Variants in SPRED2 observed in about 807,000 individuals in gnomAD.
SPRED2 encodes sprouty related EVH1 domain containing 2, also known as sprouty-related, EVH1 domain-containing protein 2.
A neutral mutation model predicts 43.0 loss-of-function variants in SPRED2; 47 were observed. The observed-to-expected ratio is 1.09, with a 90% CI of 0.87 to 1.40. The LOEUF (loss-of-function observed/expected upper bound fraction) is 1.40, where lower values mean the gene tolerates loss of function less well. Among genes scored for constraint, SPRED2 ranks in the 40% most tolerant of loss-of-function variants. SPRED2 has a pLI of 0.00. For missense variants in SPRED2, 561 were observed against 586.4 expected, an observed-to-expected ratio of 0.96 and a Z score of 0.45; for synonymous variants, 225 against 225.7, an observed-to-expected ratio of 1.00 and a Z score of 0.03.
Position 65,312,530 on chromosome 2 carries a change from T to C in SPRED2, c.*971A>G, listed in dbSNP as rs1215542357. 1.0e-6 allele frequency: 1 copy of C among 985,366 alleles called. No individual in the cohort carries two copies. The highest frequency in any genetic ancestry group is 6.1e-5 in the Admixed American group (1 of 16,268). 61.0% of individuals were successfully genotyped at this position (985,366 alleles called of 1,614,324 possible). On this transcript the variant is annotated 3_prime_UTR_variant, in exon 6 of 6. Transcript: ENST00000356388. ...AACTGGAACTTGTTCGTGGGAACACTGATTTGTGTTTGAGGAAACTATTTG... is the reference window on the plus strand; with the variant it reads ...AACTGGAACTTGTTCGTGGGAACACCGATTTGTGTTTGAGGAAACTATTTG...
At chr2:65,395,191 G>T (rs1329208649) in intron 1 of SPRED2, among the ~76,000 whole-genome samples, 1 of 151,994 alleles carries the variant, frequency 6.6e-6, no homozygotes, top group Non-Finnish European at 1.5e-5. Context: ...CTCGCTCCGT[G>T]GCCCCGGCTC....
chr2:65,322,657 T>C (rs1394264993), intron 4 of SPRED2, among the ~76,000 whole-genome samples: 1 of 152,160 alleles, frequency 6.6e-6, no homozygotes, highest in African/African-American at 2.4e-5. Context: ...GCTTCCAACA[T>C]GACATGGAAA....
intron 1 of SPRED2, among the ~76,000 whole-genome samples, chr2:65,350,995 T>A (rs749775224): frequency 6.6e-6 from 1 of 152,202 alleles, no homozygotes; most frequent in Non-Finnish European, 1.5e-5. Context: ...CTGAAAGTAG[T>A]GTTACAGGTC....
chr2:65,350,620 C>T (rs1358204197), intron 1 of SPRED2, among the ~76,000 whole-genome samples: 2 of 152,164 alleles, frequency 1.3e-5, no homozygotes, highest in Non-Finnish European at 2.9e-5. Flanking sequence ...TTTGTAAAAA[C>T]AGGGCTTCCT....
In SPRED2 at chr2:65,312,375, G is replaced by GAA; in HGVS notation, c.*1124_*1125dup. On this transcript the variant is annotated 3_prime_UTR_variant, in exon 6 of 6. Coordinates refer to ENST00000356388, the MANE Select transcript of SPRED2 (RefSeq NM_181784.3). ...TGAAACGAAAACATAAACCCATGAA[G>GAA]AAAATGCAACCCACCACTCTTCAAA... 1 of 985,338 alleles carries GAA rather than the reference G, an allele frequency of 1.0e-6. No homozygotes were observed. The highest frequency in any genetic ancestry group is 1.2e-6 in the Non-Finnish European group (1 of 829,908). 61.0% of individuals were successfully genotyped at this position (985,338 alleles called of 1,614,324 possible).
At chr2:65,372,952 GC>G (rs1337158992) in intron 1 of SPRED2, among the ~76,000 whole-genome samples, 1 of 152,120 alleles carries the variant, frequency 6.6e-6, no homozygotes, top group Non-Finnish European at 1.5e-5. Context: ...CTTGATGCTG[GC>G]CACAAAAAAC....
chr2:65,422,336 A>ACT (rs1676449316), intron 1 of SPRED2, among the ~76,000 whole-genome samples: 3 of 152,168 alleles, frequency 2.0e-5, no homozygotes, highest in Non-Finnish European at 4.4e-5. Context: ...AGAAAAAGGA[A>ACT]AACAACTCTA....
intron 1 of SPRED2, among the ~76,000 whole-genome samples, chr2:65,426,451 T>C (rs1356018852): frequency 6.6e-6 from 1 of 152,204 alleles, no homozygotes; most frequent in Non-Finnish European, 1.5e-5. Flanking sequence ...GGCCAACAAC[T>C]AGAAAACTAG....
chr2:65,401,935 G>GCACACACA (rs544327137), intron 1 of SPRED2, among the ~76,000 whole-genome samples: 47 of 89,372 alleles, frequency 5.3e-4, no homozygotes, highest in African/African-American at 1.6e-3. Context: ...TAGCGCGCGC[G>GCACACACA]CGCACACACA....
intron 4 of SPRED2, among the ~76,000 whole-genome samples, chr2:65,329,164 T>C (rs1166746789): frequency 6.6e-6 from 1 of 152,172 alleles, no homozygotes; most frequent in African/African-American, 2.4e-5. Context: ...AATATCTGTC[T>C]TACCAGTAAG....
chr2:65,354,634 T>A (rs1362022305), intron 1 of SPRED2, among the ~76,000 whole-genome samples: 1 of 150,068 alleles, frequency 6.7e-6, no homozygotes, highest in African/African-American at 2.4e-5. Flanking sequence ...AGGATACCAC[T>A]ATATTTGTTG....
chr2:65,400,763 G>C (rs553300574), intron 1 of SPRED2, among the ~76,000 whole-genome samples: 45 of 152,042 alleles, frequency 3.0e-4, no homozygotes, highest in South Asian at 1.9e-3. Context: ...CCTGAATCTG[G>C]AATCCAGAAT....
chr2:65,317,405 C>T (rs1394543421), intron 4 of SPRED2, among the ~76,000 whole-genome samples: 2 of 151,964 alleles, frequency 1.3e-5, no homozygotes, highest in African/African-American at 2.4e-5. Context: ...CCCAGCTACT[C>T]GGGAGGCTGA....
intron 1 of SPRED2, among the ~76,000 whole-genome samples, chr2:65,397,494 C>A (rs554682710): frequency 6.6e-6 from 1 of 152,170 alleles, no homozygotes; most frequent in Non-Finnish European, 1.5e-5. Context: ...AAGCTTTTCA[C>A]AACTACCTAA....
At position 65,313,819 on chromosome 2, in the gene SPRED2, C is replaced by T. The variant is rs2104103820; in HGVS notation, c.939G>A (p.Arg313=). The part of the protein sequence containing the change: ...DGERSRCVYC[R]DMFNHEENRR... ...GGTTCTCCTCGTGGTTGAACATGTC[C>T]CTGCAGTACACGCACCGCGAGCGCT... Residue 313 remains arginine (R), a synonymous_variant, in exon 6 of 6, where the codon AGG becomes AGA. Coordinates refer to ENST00000356388, the MANE Select transcript of SPRED2 (RefSeq NM_181784.3). 6.2e-7 allele frequency: 1 copy of T among 1,613,626 alleles called. No homozygotes were observed. Among genetic ancestry groups the T allele is most frequent in the Middle Eastern group, 1.6e-4 (1 of 6,062 alleles).
At chr2:65,378,527 T>A (rs894311480) in intron 1 of SPRED2, among the ~76,000 whole-genome samples, 6 of 152,204 alleles carry the variant, frequency 3.9e-5, no homozygotes, top group Admixed American at 3.3e-4. Context: ...TACTACTCTA[T>A]CTCTGTCAAT....
chr2:65,354,339 C>A lies in SPRED2; in HGVS notation c.27-9443G>T, dbSNP rs866017453. On this transcript the variant is annotated intron_variant, in intron 1 of 5. Coordinates refer to ENST00000356388, the MANE Select transcript of SPRED2 (RefSeq NM_181784.3). ...GTGATACCCACGGCATTAGCAATGCCCAGGCACACTGGAAGTTACCTCATA... is the reference window on the plus strand; with the variant it reads ...GTGATACCCACGGCATTAGCAATGCACAGGCACACTGGAAGTTACCTCATA... 2.0e-5 allele frequency among the ~76,000 whole-genome samples: 3 copies of A among 152,230 alleles called. No homozygotes were observed. In the South Asian group the frequency reaches 6.2e-4, roughly 32 times the overall value.
intron 1 of SPRED2, among the ~76,000 whole-genome samples, chr2:65,367,359 T>C (rs1264769618): frequency 6.6e-6 from 1 of 152,206 alleles, no homozygotes; most frequent in East Asian, 1.9e-4. Context: ...TAAAGAAATG[T>C]GGCAAAATCT....
rs1309994087 is a variant in SPRED2, at chr2:65,394,231, C to A, written c.26+37731G>T. On this transcript the variant is annotated intron_variant, in intron 1 of 5. Transcript: ENST00000356388. ...CTAGAAATAGACCAACCACACAGTT[C>A]AACAACTATGCAATTACACATCATT... 2.0e-5 allele frequency among the ~76,000 whole-genome samples: 3 copies of A among 152,206 alleles called. No homozygotes were observed. The East Asian group carries it at 5.8e-4, about 29-fold the overall frequency.
Sources: gnomAD v4.1 joint callset for allele counts (sites outside exome capture counted in the v4.1 genomes callset) on GRCh38, gnomAD v4.1.1 for gene constraint, MANE v1.5 for transcripts, NCBI Gene and HGNC (gene_info 2026-07-23, HGNC 2026-07-21) for gene names.